The following CASD1 variants were observed in gnomAD, a reference collection of about 807,000 sequenced individuals.
CASD1 encodes the protein N-acetylneuraminate (7)9-O-acetyltransferase.
In CASD1, 41 loss-of-function variants were observed where a neutral mutation model predicts 100.0. That is an observed-to-expected ratio of 0.41 (90% CI 0.32 to 0.53). The LOEUF (loss-of-function observed/expected upper bound fraction) is 0.53. CASD1 is among the 20% of genes least tolerant of loss of function. The pLI is 0.25. For missense variants in CASD1, 774 were observed against 948.7 expected (o/e 0.82, Z 2.42); for synonymous variants, 321 against 315.6 (o/e 1.02, Z -0.18).
intron 8 of CASD1, among the ~76,000 whole-genome samples, chr7:94,536,424 T>TA (rs1310952451): frequency 1.3e-5 from 2 of 152,202 alleles, no homozygotes; most frequent in Non-Finnish European, 2.9e-5. Context: ...TTTTTTCTCT[T>TA]ATTAAGCAGT....
the CASD1 span, chr7:94,620,281 G>C: frequency 6.6e-6 from 1 of 152,070 alleles, no homozygotes; most frequent in African/African-American, 2.4e-5. Context: ...GTTTTCTAGA[G>C]TGTGGTCATC....
chr7:94,600,747 G>A, the CASD1 span: 1 of 1,613,730 alleles, frequency 6.2e-7, no homozygotes, highest in Non-Finnish European at 8.5e-7. Flanking sequence ...CCGTGTAATA[G>A]TCTCTGCTTT....
At chr7:94,604,995 T>C in the CASD1 span, among the ~76,000 whole-genome samples, 1 of 151,526 alleles carries the variant, frequency 6.6e-6, no homozygotes, top group Non-Finnish European at 1.5e-5. Flanking sequence ...AAACTAATCA[T>C]AGAATTACAG....
chr7:94,554,776 C>T (rs933891444), intron 17 of CASD1, among the ~76,000 whole-genome samples: 1 of 151,946 alleles, frequency 6.6e-6, no homozygotes, highest in African/African-American at 2.4e-5. Flanking sequence ...TGTTTTTAAG[C>T]CTTATTTTTA....
chr7:94,611,567 TATA>T, the CASD1 span, among the ~76,000 whole-genome samples: 1 of 152,188 alleles, frequency 6.6e-6, no homozygotes, highest in Non-Finnish European at 1.5e-5. Context: ...TAAAATTGGT[TATA>T]ATAATGATTG....
rs560425276 is a variant in CASD1 at position 94,528,268 on chromosome 7, A to G, written c.459+18A>G. ...GGACTGAGGTCTGTATTTAAAAAAC[A>G]TAGGCTTTTTTTTTTTTTATTTTTA... On this transcript the variant is annotated intron_variant, in intron 5 of 17. Transcript: ENST00000297273. The G allele has an allele frequency of 5.3e-6, 8 of 1,505,684 alleles. No homozygotes were observed. In the East Asian group the frequency reaches 7.0e-5, roughly 13 times the overall value. 93.3% of individuals were successfully genotyped at this position (1,505,684 alleles called of 1,614,324 possible).
rs766025090 is a variant in CASD1, at chr7:94,528,250, GGTCT to G, written c.459+3_459+6del. 2 of 1,568,974 alleles carry G rather than the reference GGTCT, an allele frequency of 1.3e-6. No individual in the cohort carries two copies. The highest frequency in any genetic ancestry group is 1.7e-6 in the Non-Finnish European group (2 of 1,161,504). Reference sequence around the variant, plus strand: ...AACAGTGTATCAAAGTGTGGACTGAGGTCTGTATTTAAAAAACATAGGCTTTTTT... The same window carrying G: ...AACAGTGTATCAAAGTGTGGACTGAGGTATTTAAAAAACATAGGCTTTTTT... On this transcript the variant is annotated splice_donor_variant and splice_donor_region_variant and intron_variant, in intron 5 of 17. Coordinates refer to ENST00000297273, the MANE Select transcript of CASD1 (RefSeq NM_022900.5). LOFTEE classifies it high-confidence loss of function.
the CASD1 span, among the ~76,000 whole-genome samples, chr7:94,568,041 A>T: frequency 6.6e-5 from 10 of 152,202 alleles, no homozygotes; most frequent in Admixed American, 1.3e-4. Flanking sequence ...AAAAATAAGA[A>T]TTGCAAGAAA....
the CASD1 span, among the ~76,000 whole-genome samples, chr7:94,582,631 C>T: frequency 6.6e-6 from 1 of 152,170 alleles, no homozygotes; most frequent in Admixed American, 6.5e-5. Context: ...AGTTTCTTTT[C>T]ATCTTAGCAT....
chr7:94,613,171 T>C, the CASD1 span, among the ~76,000 whole-genome samples: 5 of 152,208 alleles, frequency 3.3e-5, no homozygotes, highest in Non-Finnish European at 5.9e-5. Flanking sequence ...ATTGGATTTG[T>C]CTCATTAAGT....
intron 10 of CASD1, among the ~76,000 whole-genome samples, chr7:94,541,537 GTTTTTTTTTTTTTTT>G (rs56786123): frequency 1.3e-4 from 8 of 60,086 alleles, no homozygotes; most frequent in Admixed American, 6.0e-4. Flanking sequence ...TGTTCCACTG[GTTTTTTTTTTTTTTT>G]TTTTTTTTTT....
chr7:94,527,803 G>A (rs1287104059), intron 4 of CASD1, among the ~76,000 whole-genome samples: 1 of 152,186 alleles, frequency 6.6e-6, no homozygotes, highest in Non-Finnish European at 1.5e-5. Flanking sequence ...CCAAAAGGGA[G>A]AGCAAGGGTA....
chr7:94,623,194 A>G, the CASD1 span: 2 of 588,942 alleles, frequency 3.4e-6, no homozygotes, highest in East Asian at 2.9e-5. Flanking sequence ...TTTCTTTTCT[A>G]TATCTTATTA....
At chr7:94,554,698 A>C in intron 17 of CASD1, 123 bp downstream of exon 17, 1 of 543,354 alleles carries the variant, frequency 1.8e-6, no homozygotes. Flanking sequence ...CTTTTTTCTA[A>C]ACTGAAGCTA....
the CASD1 span, among the ~76,000 whole-genome samples, chr7:94,562,635 T>C: frequency 6.6e-6 from 1 of 152,146 alleles, no homozygotes; most frequent in Non-Finnish European, 1.5e-5. Flanking sequence ...CCTTTTTTTT[T>C]TCTTTGAGAT....
At chr7:94,554,335 T>C in intron 16 of CASD1, 148 bp from the exon 17 acceptor site, 1 of 551,106 alleles carries the variant, frequency 1.8e-6, no homozygotes. Context: ...AAAATAACTT[T>C]CTAATACTTT....
At chr7:94,552,323 A>T in intron 15 of CASD1, 27 bp from the exon 16 acceptor site, 1 of 1,573,560 alleles carries the variant, frequency 6.4e-7, no homozygotes, top group Non-Finnish European at 8.7e-7. Flanking sequence ...TGCTTTTTTG[A>T]ACTTTTCCAT....
In CASD1 at chr7:94,544,544, G is replaced by C. The variant is rs200883183; in HGVS notation, c.1476+14G>C. The C allele has an allele frequency of 1.3e-6, 2 of 1,599,222 alleles. No homozygotes were observed. The highest frequency in any genetic ancestry group is 2.7e-5 in the African/African-American group (2 of 74,176). On this transcript the variant is annotated intron_variant, in intron 11 of 17. Transcript: ENST00000297273. The stretch of plus-strand genomic sequence containing the variant: ...AGAGTATGTCAGGTAGGAATGCACT[G>C]TTATTTCCTTTTCTTCCAGTTGAAC...
At chr7:94,610,169 C>G in the CASD1 span, among the ~76,000 whole-genome samples, 2 of 152,026 alleles carry the variant, frequency 1.3e-5, no homozygotes, top group Admixed American at 1.3e-4. Context: ...ACTATGGAGA[C>G]AGTAAAAACA....
Sources: gnomAD v4.1 joint callset for allele counts (sites outside exome capture counted in the v4.1 genomes callset) on GRCh38, gnomAD v4.1.1 for gene constraint, MANE v1.5 for transcripts, NCBI Gene and HGNC (gene_info 2026-07-23, HGNC 2026-07-21) for gene names.